The following DIAPH2 variants were observed in gnomAD, a reference collection of about 807,000 sequenced individuals.
DIAPH2 encodes diaphanous related formin 2, also known as protein diaphanous homolog 2.
DIAPH2 carries 35 observed loss-of-function variants against 92.7 expected under a neutral mutation model. That is an observed-to-expected ratio of 0.38 (90% CI 0.29 to 0.50). DIAPH2 has a LOEUF of 0.50. Among genes scored for constraint, DIAPH2 ranks in the 20% least tolerant of loss-of-function variants. The pLI, the probability that DIAPH2 is intolerant of heterozygous loss-of-function variation, is 0.94. For synonymous variants in DIAPH2, 301 were observed against 280.4 expected (o/e 1.07, Z -0.73); for missense variants, 701 against 819.5 (o/e 0.86, Z 1.77).
intron 4 of DIAPH2, among the ~76,000 whole-genome samples, chrX:96,854,214 T>A (rs1412297169): frequency 9.1e-6 from 1 of 110,395 alleles, no homozygotes; most frequent in African/African-American, 3.3e-5. Context: ...TGTACAAAAA[T>A]ATATAGAGAA....
chrX:97,358,794 C>A (rs2069293952), intron 24 of DIAPH2, among the ~76,000 whole-genome samples: 1 of 111,403 alleles, frequency 9.0e-6, no homozygotes, highest in South Asian at 3.8e-4. Flanking sequence ...TTCCACTATC[C>A]AGAGTTAATT....
chrX:96,884,894 A>T (rs747607202), intron 5 of DIAPH2: 2 of 1,211,328 alleles, frequency 1.7e-6, no homozygotes, highest in Non-Finnish European at 2.2e-6. Flanking sequence ...GATAACGATG[A>T]GAGTCACCGC....
chrX:96,750,594 T>G (rs762496668), intron 3 of DIAPH2, among the ~76,000 whole-genome samples: 1 of 112,069 alleles, frequency 8.9e-6, no homozygotes. Context: ...CCTCTTTTTA[T>G]TAAATAAATC....
chrX:97,577,665 C>A (rs2147877448), intron 26 of DIAPH2, among the ~76,000 whole-genome samples: 1 of 111,700 alleles, frequency 9.0e-6, no homozygotes, highest in Non-Finnish European at 1.9e-5. Context: ...GTTTGTGGAA[C>A]AGTTGTGAAG....
chrX:97,227,167 C>T (rs1168740792), intron 22 of DIAPH2, among the ~76,000 whole-genome samples: 2 of 110,332 alleles, frequency 1.8e-5, no homozygotes, highest in African/African-American at 3.3e-5. Context: ...CCCAGCTACT[C>T]GGGAGGCTGA....
chrX:97,497,543 T>G (rs187393102), intron 26 of DIAPH2, among the ~76,000 whole-genome samples: 5 of 110,391 alleles, frequency 4.5e-5, no homozygotes, highest in Non-Finnish European at 9.5e-5. Context: ...CAGTGGCTCA[T>G]GTCTGTAATC....
intron 5 of DIAPH2, chrX:96,884,173 A>G (rs2065240240): frequency 6.2e-6 from 3 of 482,798 alleles, no homozygotes; most frequent in South Asian, 3.4e-5. Flanking sequence ...TCAGCCTCCC[A>G]GCATTCAATC....
At chrX:97,197,014 G>T (rs1006117947) in intron 22 of DIAPH2, among the ~76,000 whole-genome samples, 3 of 111,023 alleles carry the variant, frequency 2.7e-5, no homozygotes, top group Non-Finnish European at 5.7e-5. Context: ...TTGAATTCCT[G>T]ACCTCAAGTG....
At chrX:97,140,481 GT>G (rs1253017071) in intron 21 of DIAPH2, among the ~76,000 whole-genome samples, 3 of 111,751 alleles carry the variant, frequency 2.7e-5, no homozygotes, top group African/African-American at 9.7e-5. Context: ...TTTTTCCTAT[GT>G]GGGATAAAGT....
intron 4 of DIAPH2, among the ~76,000 whole-genome samples, chrX:96,782,389 G>A (rs1160782612): frequency 8.9e-6 from 1 of 111,879 alleles, no homozygotes; most frequent in Admixed American, 9.5e-5. Flanking sequence ...TCCGCCTCCG[G>A]GGTTCACGCC....
chrX:97,476,586 A>G (rs566102068), intron 26 of DIAPH2, among the ~76,000 whole-genome samples: 2 of 111,494 alleles, frequency 1.8e-5, no homozygotes, highest in South Asian at 7.5e-4. Flanking sequence ...TCTGTATAGA[A>G]CTTGTAGTAT....
intron 21 of DIAPH2, among the ~76,000 whole-genome samples, chrX:97,126,464 G>A (rs2067095187): frequency 8.9e-6 from 1 of 112,121 alleles, no homozygotes; most frequent in Non-Finnish European, 1.9e-5. Flanking sequence ...TACTTGTGCA[G>A]CAAGTTGGCC....
chrX:97,276,061 G>A (rs1417946126), intron 23 of DIAPH2, among the ~76,000 whole-genome samples: 1 of 112,726 alleles, frequency 8.9e-6, no homozygotes, highest in African/African-American at 3.2e-5. Flanking sequence ...GATCACTCGC[G>A]GTTAAGAGCT....
intron 23 of DIAPH2, among the ~76,000 whole-genome samples, chrX:97,317,707 A>G (rs2068851681): frequency 9.0e-6 from 1 of 111,448 alleles, no homozygotes; most frequent in Non-Finnish European, 1.9e-5. Flanking sequence ...TAATGCCACT[A>G]CTCTTCAAAT....
At chrX:97,352,684 A>G (rs1417458312) in intron 24 of DIAPH2, among the ~76,000 whole-genome samples, 1 of 107,456 alleles carries the variant, frequency 9.3e-6, no homozygotes, top group Non-Finnish European at 1.9e-5. Flanking sequence ...CCTGGCTAAC[A>G]CGGTGAAACC....
chrX:96,948,578 G>A lies in DIAPH2; in HGVS notation c.1510-357G>A, dbSNP rs189146152. On this transcript the variant is annotated intron_variant, in intron 14 of 26. Coordinates refer to ENST00000324765, the MANE Select transcript of DIAPH2 (RefSeq NM_006729.5). ...ACACGAGTGAAACTCTGTCTCAAACGGTATGGGATGAAATATTTTTAAAAT... is the reference window on the plus strand; with the variant it reads ...ACACGAGTGAAACTCTGTCTCAAACAGTATGGGATGAAATATTTTTAAAAT... Among the ~76,000 whole-genome samples, 669 of 111,445 alleles carry A rather than the reference G, an allele frequency of 6.0e-3. 11 individuals are homozygous for A. Among genetic ancestry groups the A allele is most frequent in the African/African-American group, 0.021 (632 of 30,668 alleles).
At chrX:96,866,461 AGAAT>A (rs2065105254) in intron 4 of DIAPH2, among the ~76,000 whole-genome samples, 1 of 111,959 alleles carries the variant, frequency 8.9e-6, no homozygotes, top group Admixed American at 9.5e-5. Flanking sequence ...TGGAAGTGTC[AGAAT>A]AGTGCATTAA....
At chrX:97,116,971 G>A (rs5921341) in intron 21 of DIAPH2, among the ~76,000 whole-genome samples, 3,575 of 111,390 alleles carry the variant, frequency 0.032, 67 homozygotes, top group Middle Eastern at 0.065. Context: ...TATCACTAGA[G>A]GTATGCTCAA....
At chrX:96,849,196 C>T (rs1021161472) in intron 4 of DIAPH2, among the ~76,000 whole-genome samples, 7 of 111,538 alleles carry the variant, frequency 6.3e-5, no homozygotes, top group African/African-American at 9.8e-5. Context: ...GACAGAGTCT[C>T]GCTCTGTTGC....
Sources: gnomAD v4.1 joint callset for allele counts (sites outside exome capture counted in the v4.1 genomes callset) on GRCh38, gnomAD v4.1.1 for gene constraint, MANE v1.5 for transcripts, NCBI Gene and HGNC (gene_info 2026-07-23, HGNC 2026-07-21) for gene names.